NDST3: variants seen among roughly 807,000 people sequenced by gnomAD.
NDST3 encodes bifunctional heparan sulfate N-deacetylase/N-sulfotransferase 3.
A neutral mutation model predicts 96.1 loss-of-function variants in NDST3; 58 were observed. The ratio of observed to expected loss-of-function variants is 0.60; its 90% CI spans 0.49 to 0.75. The LOEUF (loss-of-function observed/expected upper bound fraction) is 0.75, where lower values mean the gene tolerates loss of function less well. Ranked by LOEUF, NDST3 falls within the 30% of genes least tolerant of loss-of-function variation. The pLI, the probability that NDST3 is intolerant of heterozygous loss-of-function variation, is 0.00. For missense variants in NDST3, 788 were observed against 1,034.2 expected (o/e 0.76, Z 3.27); for synonymous variants, 333 against 359.7 (o/e 0.93, Z 0.84).
At chr4:118,193,000 G>A (rs1737412790) in intron 6 of NDST3, among the ~76,000 whole-genome samples, 1 of 152,144 alleles carries the variant, frequency 6.6e-6, no homozygotes, top group African/African-American at 2.4e-5. Flanking sequence ...ATTTGGAAAT[G>A]GACTGGGAGA....
chr4:118,126,503 T>C (rs969158966), intron 4 of NDST3, among the ~76,000 whole-genome samples: 1 of 109,904 alleles, frequency 9.1e-6, no homozygotes, highest in African/African-American at 2.8e-5. Context: ...TTATACTGTG[T>C]GTATGTATGT....
chr4:118,095,300 AG>A (rs534615969), intron 2 of NDST3, among the ~76,000 whole-genome samples: 5 of 151,954 alleles, frequency 3.3e-5, no homozygotes, highest in African/African-American at 1.2e-4. Flanking sequence ...TGAGTAGGAA[AG>A]GAAATGATAC....
intron 6 of NDST3, among the ~76,000 whole-genome samples, chr4:118,223,274 T>C (rs1311481876): frequency 6.6e-6 from 1 of 151,916 alleles, no homozygotes; most frequent in Non-Finnish European, 1.5e-5. Context: ...AAAGAGGAAA[T>C]TTAAGTCACA....
intron 10 of NDST3, among the ~76,000 whole-genome samples, chr4:118,239,761 A>G (rs1350935354): frequency 6.6e-6 from 1 of 152,180 alleles, no homozygotes; most frequent in Non-Finnish European, 1.5e-5. Context: ...TTGAATCTCA[A>G]TTGCAGAAAA....
chr4:118,124,578 T>C (rs1731884865), intron 4 of NDST3, among the ~76,000 whole-genome samples: 1 of 151,992 alleles, frequency 6.6e-6, no homozygotes, highest in Non-Finnish European at 1.5e-5. Context: ...AAATCTGTGT[T>C]CTCCTAAATC....
chr4:118,046,639 C>A, intron 1 of NDST3, among the ~76,000 whole-genome samples: 1 of 152,130 alleles, frequency 6.6e-6, no homozygotes. Flanking sequence ...ACTTTGGATT[C>A]CTCAGAGCAC....
chr4:118,226,768 T>G, intron 7 of NDST3, 118 bp from the exon 8 acceptor site: 1 of 682,180 alleles, frequency 1.5e-6, no homozygotes, highest in Non-Finnish European at 2.5e-6. Context: ...TTTAAAAGAG[T>G]CTATTTTTTA....
chr4:118,172,582 TAAAA>T (rs1736019601), intron 6 of NDST3, among the ~76,000 whole-genome samples: 1 of 152,260 alleles, frequency 6.6e-6, no homozygotes, highest in Admixed American at 6.5e-5. Flanking sequence ...AAAATGTCAT[TAAAA>T]TAACAAAAAG....
chr4:118,112,838 T>C (rs969417654), intron 3 of NDST3, among the ~76,000 whole-genome samples: 1 of 152,160 alleles, frequency 6.6e-6, no homozygotes, highest in African/African-American at 2.4e-5. Context: ...CCCTGAGCCA[T>C]AAGATAACCA....
At chr4:118,113,200 CCA>C (rs1219384023) in intron 3 of NDST3, among the ~76,000 whole-genome samples, 1 of 152,086 alleles carries the variant, frequency 6.6e-6, no homozygotes, top group Non-Finnish European at 1.5e-5. Flanking sequence ...TGTGACTTGG[CCA>C]CACAACTCAA....
intron 6 of NDST3, among the ~76,000 whole-genome samples, chr4:118,191,237 A>G (rs1030525726): frequency 1.1e-4 from 17 of 152,246 alleles, no homozygotes; most frequent in African/African-American, 3.9e-4. Context: ...AAGTTAAGTT[A>G]GATAAGACGG....
At chr4:118,162,327 T>G (rs1202441166) in intron 6 of NDST3, among the ~76,000 whole-genome samples, 1 of 152,172 alleles carries the variant, frequency 6.6e-6, no homozygotes, top group Non-Finnish European at 1.5e-5. Flanking sequence ...GCTGGAGGCA[T>G]CACGCTACCT....
chr4:118,167,237 C>T (rs77313745), intron 6 of NDST3, among the ~76,000 whole-genome samples: 3,273 of 151,698 alleles, frequency 0.022, 64 homozygotes, highest in Non-Finnish European at 0.031. Flanking sequence ...ACAAAATCAA[C>T]ATACAAAAAT....
chr4:118,255,591 A>G lies in NDST3; in HGVS notation c.2503-2A>G. 1 of 1,606,558 alleles carries G rather than the reference A, an allele frequency of 6.2e-7. No homozygotes were observed. The highest frequency in any genetic ancestry group is 8.5e-7 in the Non-Finnish European group (1 of 1,176,264). On this transcript the variant is annotated splice_acceptor_variant, in intron 13 of 13. Coordinates refer to ENST00000296499, the MANE Select transcript of NDST3 (RefSeq NM_004784.3). LOFTEE classifies it high-confidence loss of function. ...TACTTTTCTCTCCTCCTCTCCACTT[A>G]GAGCAGGACATTTCTGTCAAGCTAC... is the stretch of plus-strand genomic sequence containing the variant.
chr4:118,089,253 T>C (rs1007239226), intron 2 of NDST3, among the ~76,000 whole-genome samples: 4 of 151,976 alleles, frequency 2.6e-5, no homozygotes, highest in Non-Finnish European at 5.9e-5. Context: ...ATGTTCTCCA[T>C]GGTATGCAGA....
intron 1 of NDST3, among the ~76,000 whole-genome samples, chr4:118,040,404 G>C (rs190219565): frequency 1.3e-3 from 201 of 152,186 alleles, no homozygotes; most frequent in African/African-American, 4.5e-3. Flanking sequence ...AGAAGCCCAA[G>C]GACATGGTGC....
At chr4:118,040,853 A>G (rs1724406159) in intron 1 of NDST3, among the ~76,000 whole-genome samples, 1 of 81,980 alleles carries the variant, frequency 1.2e-5, no homozygotes, top group African/African-American at 2.9e-5. Flanking sequence ...ATTTATATAT[A>G]TATTTATATA....
intron 7 of NDST3, among the ~76,000 whole-genome samples, chr4:118,226,171 AATTC>A (rs1739868376): frequency 6.6e-6 from 1 of 152,112 alleles, no homozygotes; most frequent in Non-Finnish European, 1.5e-5. Flanking sequence ...AGGGTACTGT[AATTC>A]TTCCTCCTTT....
At chr4:118,109,613 T>C (rs1730479072) in intron 3 of NDST3, among the ~76,000 whole-genome samples, 1 of 152,188 alleles carries the variant, frequency 6.6e-6, no homozygotes, top group Non-Finnish European at 1.5e-5. Context: ...GTGTATAATA[T>C]GAGAGTTTCC....
Sources: allele counts gnomAD v4.1 joint callset (sites outside exome capture counted in the v4.1 genomes callset), GRCh38; gene constraint gnomAD v4.1.1; transcripts MANE v1.5; gene names NCBI Gene and HGNC (gene_info 2026-07-23, HGNC 2026-07-21).